Variants in LRRC74B observed in about 807,000 individuals in gnomAD.
LRRC74B encodes the protein leucine rich repeat containing 74B.
In LRRC74B, 30 loss-of-function variants were observed where a neutral mutation model predicts 16.6. That is an observed-to-expected ratio of 1.80 (90% CI 1.35 to 2.45). LRRC74B has a LOEUF of 2.45. Among genes scored for constraint, LRRC74B ranks in the 30% most tolerant of loss-of-function variants. LRRC74B has a pLI of 0.00. For missense variants in LRRC74B, 326 were observed against 202.4 expected, an observed-to-expected ratio of 1.61 and a Z score of -3.71; for synonymous variants, 134 against 86.0, an observed-to-expected ratio of 1.56 and a Z score of -3.09.
chr22:21,054,821 G>T (rs1930361616), intron 6 of LRRC74B, among the ~76,000 whole-genome samples: 1 of 152,228 alleles, frequency 6.6e-6, no homozygotes, highest in Non-Finnish European at 1.5e-5. Flanking sequence ...AGCTGGGGCA[G>T]AATATGTGGG....
intron 4 of LRRC74B, among the ~76,000 whole-genome samples, chr22:21,049,768 C>G (rs911681874): frequency 1.3e-4 from 20 of 152,030 alleles, no homozygotes; most frequent in Non-Finnish European, 2.9e-5. Context: ...GTGGCAAAAA[C>G]GGTGAAGATT....
intron 3 of LRRC74B, chr22:21,048,243 C>T (rs1002591390): frequency 1.0e-4 from 54 of 533,402 alleles, no homozygotes; most frequent in African/African-American, 9.5e-4. Context: ...ACCATCACTC[C>T]CCTCCCTTGC....
chr22:21,048,372 A>C, intron 3 of LRRC74B: 1 of 290,822 alleles, frequency 3.4e-6, no homozygotes. Flanking sequence ...CAGGTAGGCA[A>C]TGTGGGAGTT....
At chr22:21,047,795 A>C in intron 2 of LRRC74B, 89 bp from the exon 3 acceptor site, 1 of 681,218 alleles carries the variant, frequency 1.5e-6, no homozygotes. Context: ...TGGGAAGGGG[A>C]GGGCTTTCCA....
chr22:21,050,870 A>G (rs1929975325), intron 4 of LRRC74B, among the ~76,000 whole-genome samples: 1 of 150,496 alleles, frequency 6.6e-6, no homozygotes, highest in African/African-American at 2.4e-5. Flanking sequence ...AGGGGCGAAG[A>G]TTGCTTGAGG....
At chr22:21,053,250 C>G in intron 5 of LRRC74B, 110 bp from the exon 6 acceptor site, 1 of 628,400 alleles carries the variant, frequency 1.6e-6, no homozygotes, top group Non-Finnish European at 2.9e-6. Context: ...CCCCTTCTGC[C>G]CTTTATCTCT....
intron 1 of LRRC74B, among the ~76,000 whole-genome samples, chr22:21,046,907 C>T (rs1569192895): frequency 6.6e-6 from 1 of 151,996 alleles, no homozygotes; most frequent in Non-Finnish European, 1.5e-5. Flanking sequence ...GCCTGGCCAA[C>T]ATGGTGAAAC....
intron 8 of LRRC74B, among the ~76,000 whole-genome samples, chr22:21,058,867 G>A (rs1396575848): frequency 6.6e-6 from 1 of 152,232 alleles, no homozygotes; most frequent in African/African-American, 2.4e-5. Flanking sequence ...CATGGGCTTT[G>A]GAATCAGTTC....
chr22:21,058,944 A>G (rs546806788), intron 8 of LRRC74B, among the ~76,000 whole-genome samples: 1 of 152,364 alleles, frequency 6.6e-6, no homozygotes, highest in South Asian at 2.1e-4. Flanking sequence ...TCAAAGAATC[A>G]TAAACGATCA....
intron 3 of LRRC74B, 62 bp from the exon 4 acceptor site, chr22:21,048,889 G>A (rs1280076061): frequency 1.6e-5 from 11 of 695,764 alleles, no homozygotes; most frequent in Non-Finnish European, 3.0e-5. Flanking sequence ...TTGGGGGATG[G>A]CAGAAGTAGG....
At chr22:21,055,368 C>T (rs1328045491) in intron 7 of LRRC74B, among the ~76,000 whole-genome samples, 192 bp downstream of exon 7, 2 of 152,200 alleles carry the variant, frequency 1.3e-5, no homozygotes, top group African/African-American at 2.4e-5. Context: ...AGCCTCTCTC[C>T]CACATCTTCT....
intron 8 of LRRC74B, among the ~76,000 whole-genome samples, chr22:21,057,952 A>C (rs549958621): frequency 4.7e-4 from 70 of 147,610 alleles, no homozygotes; most frequent in South Asian, 6.4e-4. Flanking sequence ...GTGGTGCTAT[A>C]TTGGCTCTCT....
downstream of LRRC74B, chr22:21,062,756 A>C (rs1056553187): frequency 1.3e-5 from 2 of 149,278 alleles, no homozygotes; most frequent in Admixed American, 6.7e-5. Context: ...GGCTCAGCGC[A>C]CTGGCACATG....
At chr22:21,046,196 G>T in intron 1 of LRRC74B, 71 bp downstream of exon 1, 1 of 700,518 alleles carries the variant, frequency 1.4e-6, no homozygotes, top group Non-Finnish European at 2.6e-6. Flanking sequence ...TGGGGGAGGC[G>T]GGCTGGGGCT....
chr22:21,052,301 C>T (rs765363659), exon 5 of LRRC74B: 9 of 717,406 alleles, frequency 1.3e-5, no homozygotes, highest in East Asian at 5.4e-5. Flanking sequence ...CCGAGCTTAA[C>T]GTGAGCTGGA....
downstream of LRRC74B, among the ~76,000 whole-genome samples, chr22:21,060,874 C>T (rs1210267162): frequency 6.6e-6 from 1 of 152,182 alleles, no homozygotes; most frequent in Non-Finnish European, 1.5e-5. Context: ...AGGAGGGGTG[C>T]ACACTCTACT....
intron 1 of LRRC74B, 78 bp downstream of exon 1, chr22:21,046,203 G>A (rs1450700887): frequency 1.4e-6 from 1 of 694,442 alleles, no homozygotes; most frequent in African/African-American, 1.8e-5. Context: ...GGCGGGCTGG[G>A]GCTAAGGCCA....
At chr22:21,056,475 C>A (rs1029192110) in intron 7 of LRRC74B, 16 of 150,794 alleles carry the variant, frequency 1.1e-4, no homozygotes, top group African/African-American at 3.7e-4. Flanking sequence ...GCACTCCAGT[C>A]TGGATGACAG....
intron 7 of LRRC74B, chr22:21,056,876 T>G: frequency 1.9e-6 from 1 of 517,790 alleles, no homozygotes. Context: ...GGCAAGGGTG[T>G]GTCTTGTGTG....
Sources: allele counts gnomAD v4.1 joint callset (sites outside exome capture counted in the v4.1 genomes callset), GRCh38; gene constraint gnomAD v4.1.1; transcripts MANE v1.5; gene names NCBI Gene and HGNC (gene_info 2026-07-23, HGNC 2026-07-21).